CD163L1: variants seen among roughly 807,000 people sequenced by gnomAD.
The protein encoded by CD163L1 is scavenger receptor cysteine-rich type 1 protein M160.
Under a neutral mutation model 165.4 loss-of-function variants are expected in CD163L1, and 124 were observed. The ratio of observed to expected loss-of-function variants is 0.75; its 90% CI spans 0.65 to 0.87. The LOEUF (loss-of-function observed/expected upper bound fraction) is 0.87. Among genes scored for constraint, CD163L1 ranks in the 40% least tolerant of loss-of-function variants. CD163L1 has a pLI of 0.00. For missense variants in CD163L1, 1,525 were observed against 1,799.9 expected (o/e 0.85, Z 2.76); for synonymous variants, 585 against 662.2 (o/e 0.88, Z 1.79).
At chr12:7,365,715 A>G (rs1947002671) in intron 18 of CD163L1, among the ~76,000 whole-genome samples, 1 of 152,170 alleles carries the variant, frequency 6.6e-6, no homozygotes, top group Non-Finnish European at 1.5e-5. Flanking sequence ...ATGAGATATC[A>G]TCATACCTCA....
At chr12:7,324,379 A>G in the CD163L1 span, 1 of 1,614,104 alleles carries the variant, frequency 6.2e-7, no homozygotes. Flanking sequence ...GGCAGAGCTG[A>G]TGATGTCATT....
intron 4 of CD163L1, among the ~76,000 whole-genome samples, chr12:7,419,266 T>C (rs1289979780): frequency 6.6e-6 from 1 of 151,438 alleles, no homozygotes; most frequent in Non-Finnish European, 1.5e-5. Context: ...GAAAATCACA[T>C]GATCAACAGA....
rs764328944 is a variant in CD163L1, at chr12:7,374,923, C to T, written c.3002G>A (p.Gly1001Glu). The change falls in exon 12 of 20, where the codon GGA (glycine) becomes GAA (glutamate). Residue 1001 changes from glycine (G) to glutamate (E), a missense_variant and splice_region_variant. By Grantham distance (98) the Gly-to-Glu change is moderately conservative. Transcript: ENST00000313599. This position sits in a 1 kb window ranked among gnomAD's most constrained non-coding sequence, Gnocchi z 5.4. ...TGGAAACAGTGGCTGGGTCAGGCTT[C>T]CTGGTGGAGGGTGCAGGAAATGGGG... Reference protein sequence around the residue: ...HGNTVSVICTGSLTQPLFPCL... With the variant: ...HGNTVSVICTESLTQPLFPCL... 6.2e-7 allele frequency: 1 copy of T among 1,614,066 alleles called. No individual in the cohort carries two copies. The highest frequency in any genetic ancestry group is 1.1e-5 in the South Asian group (1 of 91,066).
At chr12:7,357,564 T>C (rs2136375756) in intron 18 of CD163L1, 78 bp from the exon 19 acceptor site, 1 of 1,198,164 alleles carries the variant, frequency 8.3e-7, no homozygotes, top group South Asian at 1.3e-5. Context: ...AGTGCAGTGT[T>C]TGATCAGCTG....
rs181179880 is a variant in CD163L1 at position 7,368,749 on chromosome 12, T to C, written c.4072+184A>G. The C allele has an allele frequency of 1.6e-5, 10 of 623,908 alleles. No individual in the cohort carries two copies. The Admixed American group carries it at 1.7e-4, about 10-fold the overall frequency. The allele number at this position is 623,908 out of a possible 1,614,324, so 38.6% of individuals were successfully genotyped here. A position where few individuals can be genotyped will look rare whatever the true frequency, so the allele number is the denominator to read the frequency against. On this transcript the variant is annotated intron_variant, in intron 16 of 19. Coordinates refer to ENST00000313599, the MANE Select transcript of CD163L1 (RefSeq NM_174941.6). The surrounding 1 kb of genome is among the most constrained non-coding windows in gnomAD (Gnocchi z 4.3). ...CCTTCTCTGCATGTAAAAAGGATTT[T>C]TCTAGAGAGAAGGACTGCATAGCAA...
chr12:7,376,215 G>A (rs1424190562), intron 9 of CD163L1, among the ~76,000 whole-genome samples: 2 of 151,980 alleles, frequency 1.3e-5, no homozygotes, highest in African/African-American at 4.8e-5. Context: ...ATGTCTTGGT[G>A]ACCCACCAAT....
intron 5 of CD163L1, among the ~76,000 whole-genome samples, chr12:7,406,299 T>TG (rs1948013083): frequency 6.6e-6 from 1 of 152,146 alleles, no homozygotes; most frequent in Non-Finnish European, 1.5e-5. Flanking sequence ...AATGGTGTGT[T>TG]GGGGGTGGGT....
At chr12:7,328,552 A>T in the CD163L1 span, 40 of 390,406 alleles carry the variant, frequency 1.0e-4, no homozygotes, top group Non-Finnish European at 1.8e-4. Flanking sequence ...AAGCCTCAAA[A>T]ACGTATGGAT....
At chr12:7,364,118 CAA>C (rs940125474) in intron 18 of CD163L1, among the ~76,000 whole-genome samples, 1 of 152,040 alleles carries the variant, frequency 6.6e-6, no homozygotes, top group African/African-American at 2.4e-5. Context: ...TCCAGGGATG[CAA>C]AGATTGTTCA....
chr12:7,434,548 T>C (rs774654371), intron 2 of CD163L1, among the ~76,000 whole-genome samples: 1 of 152,142 alleles, frequency 6.6e-6, no homozygotes, highest in East Asian at 1.9e-4. Context: ...CCATGAGTTT[T>C]CAACGTGAAA....
At chr12:7,385,305 G>A (rs1372709760) in intron 8 of CD163L1, among the ~76,000 whole-genome samples, 1 of 149,708 alleles carries the variant, frequency 6.7e-6, no homozygotes, top group African/African-American at 2.4e-5. Flanking sequence ...TTTATTAAGA[G>A]GCTATAACAA....
At chr12:7,388,493 A>G (rs1464240506) in intron 8 of CD163L1, among the ~76,000 whole-genome samples, 1 of 151,778 alleles carries the variant, frequency 6.6e-6, no homozygotes, top group Non-Finnish European at 1.5e-5. Flanking sequence ...CTATAATCCC[A>G]GCATTTTGGG....
At chr12:7,412,759 T>C (rs1420183223) in intron 4 of CD163L1, among the ~76,000 whole-genome samples, 2 of 151,956 alleles carry the variant, frequency 1.3e-5, no homozygotes, top group Non-Finnish European at 2.9e-5. Context: ...CAACCATTTA[T>C]GAGTGAAAAT....
intron 8 of CD163L1, among the ~76,000 whole-genome samples, chr12:7,385,300 T>A (rs1947493104): frequency 6.7e-6 from 1 of 149,950 alleles, no homozygotes; most frequent in African/African-American, 2.4e-5. Flanking sequence ...ATCAATTTAT[T>A]AAGAGGCTAT....
Position 7,367,315 on chromosome 12 carries a change from C to G in CD163L1, c.4200G>C (p.Arg1400Ser), listed in dbSNP as rs944683846. The G allele has an allele frequency of 3.7e-6, 6 of 1,612,538 alleles. No individual in the cohort carries two copies. The highest frequency in any genetic ancestry group is 1.7e-6 in the Non-Finnish European group (2 of 1,178,922). Residue 1400 changes from arginine (R) to serine (S), a missense_variant, in exon 18 of 20, where the codon AGG becomes AGC. By Grantham distance (110) the Arg-to-Ser change is moderately radical. Coordinates refer to ENST00000313599, the MANE Select transcript of CD163L1 (RefSeq NM_174941.6). ...GGAATAAATTCTCCTCGAGAGAACC[C>G]CTCCTTCTGGTTGAAACTGAGAATG... The part of the protein sequence containing the change: ...HLPLRVSTRR[R>S]GSLEENLFHE...
the CD163L1 span, among the ~76,000 whole-genome samples, chr12:7,331,198 A>G: frequency 6.6e-6 from 1 of 152,238 alleles, no homozygotes; most frequent in Non-Finnish European, 1.5e-5. Context: ...CTAGCACAGC[A>G]GTCTGAGATC....
intron 4 of CD163L1, among the ~76,000 whole-genome samples, chr12:7,411,592 TC>T (rs751896685): frequency 4.9e-4 from 74 of 152,286 alleles, no homozygotes; most frequent in African/African-American, 1.6e-3. Context: ...TATGCTGACT[TC>T]CCCTTGGCCT....
intron 2 of CD163L1, among the ~76,000 whole-genome samples, chr12:7,440,607 G>T (rs956572786): frequency 2.0e-5 from 3 of 149,428 alleles, no homozygotes; most frequent in Non-Finnish European, 4.4e-5. Context: ...TTTTACGTTT[G>T]GAAACTATCT....
the CD163L1 span, among the ~76,000 whole-genome samples, chr12:7,340,431 T>C: frequency 2.6e-5 from 4 of 152,212 alleles, no homozygotes; most frequent in Non-Finnish European, 5.9e-5. Flanking sequence ...TGCAATTACA[T>C]AAATTAGAAT....
Sources: gnomAD v4.1 joint callset for allele counts (sites outside exome capture counted in the v4.1 genomes callset) on GRCh38, gnomAD v4.1.1 for gene constraint, Gnocchi (gnomAD v3.1) non-coding constraint, MANE v1.5 for transcripts, NCBI Gene and HGNC (gene_info 2026-07-23, HGNC 2026-07-21) for gene names.